TRPC1: variants seen among roughly 807,000 people sequenced by gnomAD.
TRPC1 encodes transient receptor potential cation channel subfamily C member 1.
A neutral mutation model predicts 88.2 loss-of-function variants in TRPC1; 42 were observed. The ratio of observed to expected loss-of-function variants is 0.48; its 90% CI spans 0.37 to 0.62. The LOEUF (loss-of-function observed/expected upper bound fraction) is 0.62. TRPC1 is among the 20% of genes least tolerant of loss of function. TRPC1 has a pLI of 0.00. For synonymous variants in TRPC1, 288 were observed against 331.8 expected (o/e 0.87, Z 1.43); for missense variants, 699 against 957.3 (o/e 0.73, Z 3.56).
At chr3:142,738,974 T>C (rs1934244656) in intron 2 of TRPC1, among the ~76,000 whole-genome samples, 1 of 151,914 alleles carries the variant, frequency 6.6e-6, no homozygotes, top group Admixed American at 6.5e-5. Context: ...TATTATTTTA[T>C]TATTATTATT....
chr3:142,802,408 TGAATTAGTATCTATA>T (rs1936650419), intron 10 of TRPC1, 64 bp downstream of exon 10: 1 of 1,126,510 alleles, frequency 8.9e-7, no homozygotes, highest in Non-Finnish European at 1.2e-6. Flanking sequence ...ATCTTCTATA[TGAATTAGTATCTATA>T]GAAATGGAAC....
rs759921709 is a variant in TRPC1, at chr3:142,724,587, G to T, written c.28G>T (p.Asp10Tyr). The change falls in exon 1 of 13, where the codon GAC becomes TAC. Residue 10 changes from aspartate (D) to tyrosine (Y), a missense_variant. By Grantham distance (160) the Asp-to-Tyr change is radical. Coordinates refer to ENST00000476941, the MANE Select transcript of TRPC1 (RefSeq NM_001251845.2). The surrounding 1 kb of genome is among the most constrained non-coding windows in gnomAD (Gnocchi z 5.6). ...GATGGCGGCCCTGTACCCGAGCACG[G>T]ACCTCTCGGGCGCCTCCTCCTCCTC... MMAALYPST[D>Y]LSGASSSSLP... The T allele has an allele frequency of 6.9e-6, 11 of 1,596,242 alleles. No homozygotes were observed. In the South Asian group the frequency reaches 9.0e-5, roughly 13 times the overall value.
At chr3:142,804,274 T>G (rs1450681893) in intron 11 of TRPC1, 96 bp downstream of exon 11, 4 of 1,213,822 alleles carry the variant, frequency 3.3e-6, no homozygotes, top group Non-Finnish European at 3.4e-6. Context: ...TTATAAGAAT[T>G]GAAAAATAGT....
At chr3:142,740,933 G>A (rs1199078480) in intron 2 of TRPC1, among the ~76,000 whole-genome samples, 1 of 152,042 alleles carries the variant, frequency 6.6e-6, no homozygotes, top group East Asian at 1.9e-4. Context: ...GAAGGACCAG[G>A]GTTCTAAAGA....
intron 1 of TRPC1, among the ~76,000 whole-genome samples, chr3:142,726,804 G>C (rs1211007095): frequency 6.6e-6 from 1 of 152,142 alleles, no homozygotes. Context: ...TTACACTGGA[G>C]CCTTCCTCAG....
chr3:142,755,482 C>A (rs760305487), intron 4 of TRPC1, among the ~76,000 whole-genome samples: 13 of 152,154 alleles, frequency 8.5e-5, no homozygotes, highest in Non-Finnish European at 1.8e-4. Context: ...AAACTAGTCT[C>A]ATCAATGGCT....
Position 142,776,535 on chromosome 3 carries a change from T to C in TRPC1, c.633-1097T>C, listed in dbSNP as rs1289711747. Among the ~76,000 whole-genome samples the C allele has an allele frequency of 6.6e-6, 1 of 152,202 alleles. No homozygotes were observed. Among genetic ancestry groups the C allele is most frequent in the Non-Finnish European group, 1.5e-5 (1 of 68,026 alleles). Reference sequence around the variant, plus strand: ...ACTGTGCATAAGTAAATGATTTCACTCTTAAGATTTGAAACATCTTTCAAA... The same window carrying C: ...ACTGTGCATAAGTAAATGATTTCACCCTTAAGATTTGAAACATCTTTCAAA... On this transcript the variant is annotated intron_variant, in intron 4 of 12. Transcript: ENST00000476941. This position sits in a 1 kb window ranked among gnomAD's most constrained non-coding sequence, Gnocchi z 4.1.
chr3:142,795,947 A>G (rs910135285), intron 9 of TRPC1, among the ~76,000 whole-genome samples: 1 of 152,058 alleles, frequency 6.6e-6, no homozygotes, highest in Admixed American at 6.6e-5. Flanking sequence ...TTAAAGAAAA[A>G]ACGACATGAA....
chr3:142,773,141 A>G lies in TRPC1; in HGVS notation c.633-4491A>G, dbSNP rs113027791. 4.7e-3 allele frequency among the ~76,000 whole-genome samples: 722 copies of G among 152,302 alleles called. 24 individuals are homozygous for G. The East Asian group carries it at 0.089, about 19-fold the overall frequency. Reference sequence around the variant, plus strand: ...AGCATATGAAATTTGGAGGGATACAATTCAACCCATAGCAAGCCTCTCTAG... The same window carrying G: ...AGCATATGAAATTTGGAGGGATACAGTTCAACCCATAGCAAGCCTCTCTAG... On this transcript the variant is annotated intron_variant, in intron 4 of 12. Transcript: ENST00000476941.
Position 142,743,470 on chromosome 3 carries a change from T to C in TRPC1, c.328-15T>C. ...TATCTTCCATTTTCATTTTTAACTT[T>C]TTTTTTTTTTGAAGTCTGCAGATGC... is the stretch of plus-strand genomic sequence containing the variant. On this transcript the variant is annotated splice_polypyrimidine_tract_variant and intron_variant, in intron 2 of 12. Transcript: ENST00000476941. 1 of 1,465,594 alleles carries C rather than the reference T, an allele frequency of 6.8e-7. No individual in the cohort carries two copies. Among genetic ancestry groups the C allele is most frequent in the Non-Finnish European group, 9.0e-7 (1 of 1,112,216 alleles). The allele number at this position is 1,465,594 out of a possible 1,614,324, so 90.8% of individuals were successfully genotyped here.
chr3:142,749,726 T>C (rs908086572), intron 4 of TRPC1, among the ~76,000 whole-genome samples: 10 of 152,160 alleles, frequency 6.6e-5, no homozygotes, highest in South Asian at 2.1e-4. Flanking sequence ...AAAACAGATA[T>C]ATAGACCAAT....
chr3:142,797,253 T>A (rs1936482846), intron 9 of TRPC1, among the ~76,000 whole-genome samples: 1 of 151,730 alleles, frequency 6.6e-6, no homozygotes, highest in Admixed American at 6.6e-5. Context: ...CTAAAGTTCC[T>A]CCCCTTCCTA....
At chr3:142,737,260 A>G (rs1476060529) in intron 2 of TRPC1, among the ~76,000 whole-genome samples, 5 of 150,270 alleles carry the variant, frequency 3.3e-5, no homozygotes, top group African/African-American at 4.9e-5. Flanking sequence ...TTTGAGTGAC[A>G]TCAGGAGACA....
intron 4 of TRPC1, among the ~76,000 whole-genome samples, chr3:142,769,102 A>T (rs937089403): frequency 1.3e-5 from 2 of 152,050 alleles, no homozygotes; most frequent in Admixed American, 1.3e-4. Flanking sequence ...GTTAGTATTT[A>T]TCTGGGAAAA....
Position 142,743,489 on chromosome 3 carries a change from C to T in TRPC1, c.332C>T (p.Ala111Val). ...TAACTTTTTTTTTTTTTGAAGTCTG[C>T]AGATGCACTTTTGGTGGCAATCGAC... ...QLLLDYGCQS[A>V]DALLVAIDSE... Residue 111 changes from alanine to valine, a missense_variant, in exon 3 of 13, where the codon GCA becomes GTA. Ala to Val is a moderately conservative substitution (Grantham distance 64, BLOSUM62 0). Transcript: ENST00000476941. 6.7e-7 allele frequency: 1 copy of T among 1,499,366 alleles called. No individual in the cohort carries two copies. The highest frequency in any genetic ancestry group is 1.3e-5 in the South Asian group (1 of 77,168). The allele number at this position is 1,499,366 out of a possible 1,614,324, so 92.9% of individuals were successfully genotyped here.
At chr3:142,734,796 A>C (rs553690263) in intron 1 of TRPC1, among the ~76,000 whole-genome samples, 1 of 152,242 alleles carries the variant, frequency 6.6e-6, no homozygotes, top group South Asian at 2.1e-4. Context: ...ATAAAAAAAA[A>C]AATTGAAAGC....
At chr3:142,728,978 G>A (rs1448302434) in intron 1 of TRPC1, among the ~76,000 whole-genome samples, 1 of 151,920 alleles carries the variant, frequency 6.6e-6, no homozygotes, top group African/African-American at 2.4e-5. Context: ...AGGTAAAGAG[G>A]GTATTGTAGG....
chr3:142,791,792 GTTA>G (rs1298543911), intron 8 of TRPC1, among the ~76,000 whole-genome samples: 9 of 151,996 alleles, frequency 5.9e-5, no homozygotes, highest in South Asian at 2.1e-4. Flanking sequence ...TGATGTAAAT[GTTA>G]TTATTTTTCT....
At chr3:142,786,982 G>C (rs1232992125) in intron 7 of TRPC1, among the ~76,000 whole-genome samples, 1 of 152,140 alleles carries the variant, frequency 6.6e-6, no homozygotes, top group Non-Finnish European at 1.5e-5. Flanking sequence ...AAATATTACT[G>C]CTGTCCCCGA....
Sources: allele counts gnomAD v4.1 joint callset (sites outside exome capture counted in the v4.1 genomes callset), GRCh38; gene constraint gnomAD v4.1.1; non-coding constraint Gnocchi (gnomAD v3.1); transcripts MANE v1.5; gene names NCBI Gene and HGNC (gene_info 2026-07-23, HGNC 2026-07-21).